The following ATP23 variants were observed in gnomAD, a reference collection of about 807,000 sequenced individuals.
ATP23 encodes mitochondrial inner membrane protease ATP23 homolog.
Under a neutral mutation model 28.5 loss-of-function variants are expected in ATP23, and 24 were observed. That is an observed-to-expected ratio of 0.84 (90% confidence interval 0.61 to 1.18). ATP23 has a LOEUF of 1.18. Ranked by LOEUF, ATP23 falls within the 50% of genes most tolerant of loss-of-function variation. The pLI, the probability that ATP23 is intolerant of heterozygous loss-of-function variation, is 0.00. For synonymous variants in ATP23, 99 were observed against 108.6 expected (o/e 0.91, Z 0.55); for missense variants, 274 against 306.4 (o/e 0.89, Z 0.79).
rs1956881734 is a variant in ATP23, at chr12:57,957,653, T to G, written c.*763T>G. On this transcript the variant is annotated 3_prime_UTR_variant, in exon 6 of 6. Transcript: ENST00000300145. The stretch of plus-strand genomic sequence containing the variant: ...ACTGAAGGTCTGTTTGTGGGAGAAG[T>G]TTCCGACCTTACCTGGAGCTGAGTT... 6.6e-6 allele frequency among the ~76,000 whole-genome samples: 1 copy of G among 152,024 alleles called. No individual in the cohort carries two copies. The highest frequency in any genetic ancestry group is 6.6e-5 in the Admixed American group (1 of 15,256).
Position 57,945,881 on chromosome 12 carries a change from T to G in ATP23, c.233+208T>G, listed in dbSNP as rs542984585. 7.6e-4 allele frequency among the ~76,000 whole-genome samples: 112 copies of G among 146,796 alleles called. 1 individual carries two copies. The highest frequency in any genetic ancestry group is 3.8e-3 in the South Asian group (17 of 4,478). ...CCTAACTCATGTTTTTTTTTTTTTT[T>G]GGGGATAGAGTCTCGCTCTTGTTGT... On this transcript the variant is annotated intron_variant, in intron 2 of 5. Transcript: ENST00000300145.
At chr12:57,948,561 G>A (rs1956785450) in intron 3 of ATP23, among the ~76,000 whole-genome samples, 1 of 152,156 alleles carries the variant, frequency 6.6e-6, no homozygotes, top group African/African-American at 2.4e-5. Flanking sequence ...AGGATTACAG[G>A]CGTGAGCCAC....
intron 5 of ATP23, among the ~76,000 whole-genome samples, chr12:57,954,318 C>T (rs1956845261): frequency 6.6e-6 from 1 of 151,732 alleles, no homozygotes; most frequent in African/African-American, 2.4e-5. Context: ...TTCTTGACTT[C>T]TATTTTGAAT....
rs1277307857 is a variant in ATP23, at chr12:57,957,693, A to G, written c.*803A>G. On this transcript the variant is annotated 3_prime_UTR_variant, in exon 6 of 6. Coordinates refer to ENST00000300145, the MANE Select transcript of ATP23 (RefSeq NM_033276.4). The stretch of plus-strand genomic sequence containing the variant: ...GGAGCTGAGTTAATTTAGAGAGCCG[A>G]GCGAAATACAGGGGTAGAGCAAGCA... Among the ~76,000 whole-genome samples the G allele has an allele frequency of 6.6e-6, 1 of 152,150 alleles. No individual in the cohort carries two copies. The highest frequency in any genetic ancestry group is 1.5e-5 in the Non-Finnish European group (1 of 68,040).
rs944466017 is a variant in ATP23 at position 57,956,768 on chromosome 12, G to T, written c.619G>T (p.Glu207Ter). The T allele has an allele frequency of 1.9e-6, 3 of 1,613,998 alleles. No individual in the cohort carries two copies. The highest frequency in any genetic ancestry group is 3.3e-5 in the Admixed American group (2 of 60,022). ...SKEVAKKAVD[E>*]VFESCFNDHE... Reference sequence around the variant, plus strand: ...AGAAGTAGCTAAAAAGGCTGTTGATGAAGTTTTTGAATCTTGTTTCAATGA... The same window carrying T: ...AGAAGTAGCTAAAAAGGCTGTTGATTAAGTTTTTGAATCTTGTTTCAATGA... Residue 207 changes from glutamate (E) to a stop codon, truncating the protein, a stop_gained, in exon 6 of 6, where the codon GAA becomes TAA. Coordinates refer to ENST00000300145, the MANE Select transcript of ATP23 (RefSeq NM_033276.4). LOFTEE classifies it high-confidence loss of function.
At chr12:57,952,747 G>A (rs1340247839) in intron 4 of ATP23, among the ~76,000 whole-genome samples, 3 of 152,072 alleles carry the variant, frequency 2.0e-5, no homozygotes, top group African/African-American at 7.2e-5. Context: ...TCTTTCTTGG[G>A]TACTGTGAGA....
chr12:57,952,709 G>T (rs565594605), intron 4 of ATP23, among the ~76,000 whole-genome samples: 11 of 152,240 alleles, frequency 7.2e-5, no homozygotes, highest in African/African-American at 2.6e-4. Context: ...TTGGAGAATA[G>T]ACTGAAACCT....
chr12:57,953,167 T>G (rs1051266823), intron 4 of ATP23, among the ~76,000 whole-genome samples: 4 of 152,196 alleles, frequency 2.6e-5, no homozygotes, highest in Non-Finnish European at 4.4e-5. Context: ...ATTAATGCAT[T>G]CAGTTTTAAG....
In ATP23 at chr12:57,958,142, T is replaced by C. The variant is rs1026693190; in HGVS notation, c.*1252T>C. Among the ~76,000 whole-genome samples, 1 of 151,884 alleles carries C rather than the reference T, an allele frequency of 6.6e-6. No homozygotes were observed. The highest frequency in any genetic ancestry group is 1.5e-5 in the Non-Finnish European group (1 of 67,962). On this transcript the variant is annotated 3_prime_UTR_variant, in exon 6 of 6. Transcript: ENST00000300145. The stretch of plus-strand genomic sequence containing the variant: ...CTACTTCCCTGACAACCTGCATGAC[T>C]CCCCAGAGGCAGTCATAATCCTCCT...
intron 1 of ATP23, among the ~76,000 whole-genome samples, chr12:57,943,879 G>A (rs959390494): frequency 1.3e-5 from 2 of 152,092 alleles, no homozygotes; most frequent in African/African-American, 4.8e-5. Context: ...AGGGCAGGGT[G>A]GCTGGGAGGG....
Position 57,945,632 on chromosome 12 carries a change from A to G in ATP23, c.192A>G (p.Pro64=). 3.7e-6 allele frequency: 6 copies of G among 1,612,756 alleles called. No individual in the cohort carries two copies. Among genetic ancestry groups the G allele is most frequent in the Non-Finnish European group, 5.1e-6 (6 of 1,178,940 alleles). The change falls in exon 2 of 6, where the codon CCA becomes CCG. Residue 64 remains proline, a synonymous_variant. Coordinates refer to ENST00000300145, the MANE Select transcript of ATP23 (RefSeq NM_033276.4). The part of the protein sequence containing the change: ...LRLLKTLETN[P]YVKLLLDAMK... ...TTAAATCAATATCTTTTTTAGATCCATATGTCAAACTTCTGCTTGATGCTA... is the reference window on the plus strand; with the variant it reads ...TTAAATCAATATCTTTTTTAGATCCGTATGTCAAACTTCTGCTTGATGCTA...
intron 3 of ATP23, among the ~76,000 whole-genome samples, chr12:57,951,074 T>C (rs17120038): frequency 0.13 from 19,536 of 152,178 alleles, 2,167 homozygotes; most frequent in African/African-American, 0.3. Context: ...TAGGATCCCT[T>C]GTGTCTTTCT....
At chr12:57,949,205 T>C (rs886266205) in intron 3 of ATP23, among the ~76,000 whole-genome samples, 2 of 152,278 alleles carry the variant, frequency 1.3e-5, no homozygotes, top group African/African-American at 4.8e-5. Flanking sequence ...ATATAGTTTG[T>C]ATACACTTGA....
At position 57,953,482 on chromosome 12, in the gene ATP23, T is replaced by C. The variant is rs1387061616; in HGVS notation, c.454-124T>C. 8 of 769,544 alleles carry C rather than the reference T, an allele frequency of 1.0e-5. No individual in the cohort carries two copies. In the African/African-American group the frequency reaches 1.1e-4, roughly 10 times the overall value. The allele number at this position is 769,544 out of a possible 1,614,324, so 47.7% of individuals were successfully genotyped here. On this transcript the variant is annotated intron_variant, in intron 4 of 5. Coordinates refer to ENST00000300145, the MANE Select transcript of ATP23 (RefSeq NM_033276.4). ...GTCCTTTAAGAAGAAGTGTCACAAA[T>C]ACTCTTTTCTCAGACAAAGATGCTA...
chr12:57,944,128 G>C (rs1278364991), intron 1 of ATP23, among the ~76,000 whole-genome samples: 1 of 148,402 alleles, frequency 6.7e-6, no homozygotes, highest in African/African-American at 2.5e-5. Flanking sequence ...AATTCTCCTA[G>C]TTGCATGAAT....
At position 57,957,520 on chromosome 12, in the gene ATP23, C is replaced by T. The variant is rs757515203; in HGVS notation, c.*630C>T. On this transcript the variant is annotated 3_prime_UTR_variant, in exon 6 of 6. Transcript: ENST00000300145. Reference sequence around the variant, plus strand: ...GGACCCACAGACCCTCTGAAGGAAGCGACTGCTCCTACAGTGCCCAGGAGA... The same window carrying T: ...GGACCCACAGACCCTCTGAAGGAAGTGACTGCTCCTACAGTGCCCAGGAGA... 2.0e-5 allele frequency among the ~76,000 whole-genome samples: 3 copies of T among 152,226 alleles called. No individual in the cohort carries two copies. Among genetic ancestry groups the T allele is most frequent in the East Asian group, 1.9e-4 (1 of 5,178 alleles).
At chr12:57,946,295 G>T (rs929161614) in intron 2 of ATP23, among the ~76,000 whole-genome samples, 3 of 152,132 alleles carry the variant, frequency 2.0e-5, no homozygotes, top group Non-Finnish European at 2.9e-5. Flanking sequence ...TAATGGAAAA[G>T]AAATCTCAGC....
Position 57,943,588 on chromosome 12 carries a change from G to A in ATP23, c.187+1700G>A, listed in dbSNP as rs925203512. ...CCCAACTATTTAGGAGGCTGAGGCA[G>A]GAGATTTGCTTGAACCCAGGAGGCT... On this transcript the variant is annotated intron_variant, in intron 1 of 5. Transcript: ENST00000300145. 4.6e-5 allele frequency among the ~76,000 whole-genome samples: 7 copies of A among 152,062 alleles called. 1 individual carries two copies. In the South Asian group the frequency reaches 1.5e-3, roughly 32 times the overall value.
At chr12:57,953,796 A>C in intron 5 of ATP23, 107 bp downstream of exon 5, 1 of 982,604 alleles carries the variant, frequency 1.0e-6, no homozygotes, top group Admixed American at 2.2e-5. Context: ...AGAACTTCGT[A>C]TGTGAAAAGA....
Sources: gnomAD v4.1 joint callset for allele counts (sites outside exome capture counted in the v4.1 genomes callset) on GRCh38, gnomAD v4.1.1 for gene constraint, MANE v1.5 for transcripts, NCBI Gene and HGNC (gene_info 2026-07-23, HGNC 2026-07-21) for gene names.